The following KIF11 variants were observed in gnomAD, a reference collection of about 807,000 sequenced individuals.
The protein encoded by KIF11 is kinesin-like protein KIF11.
KIF11 carries 9 observed loss-of-function variants against 121.0 expected under a neutral mutation model. That is an observed-to-expected ratio of 0.07 (90% CI 0.04 to 0.13). KIF11 has a LOEUF of 0.13. KIF11 is among the 10% of genes least tolerant of loss of function. KIF11 has a pLI of 1.00. For synonymous variants in KIF11, 408 were observed against 421.0 expected, an observed-to-expected ratio of 0.97 and a Z score of 0.38; for missense variants, 846 against 1,217.5, an observed-to-expected ratio of 0.69 and a Z score of 4.54.
At chr10:92,644,572 G>C (rs1387425809) in intron 17 of KIF11, among the ~76,000 whole-genome samples, 6 of 151,966 alleles carry the variant, frequency 3.9e-5, no homozygotes, top group Admixed American at 3.3e-4. Context: ...ACCTGCCTCG[G>C]CCTCCCAAAG....
At chr10:92,627,099 C>A (rs7915915) in intron 10 of KIF11, among the ~76,000 whole-genome samples, 22,695 of 152,188 alleles carry the variant, frequency 0.15, 3,595 homozygotes, top group African/African-American at 0.4. Flanking sequence ...TAATATATTT[C>A]ATCAAAAGAC....
intron 1 of KIF11, among the ~76,000 whole-genome samples, chr10:92,598,413 G>A (rs912563739): frequency 1.3e-5 from 2 of 152,156 alleles, no homozygotes; most frequent in African/African-American, 4.8e-5. Context: ...ATATGTAAGA[G>A]GGCTTATTTC....
At chr10:92,612,520 T>C (rs1844508733) in intron 6 of KIF11, among the ~76,000 whole-genome samples, 1 of 152,230 alleles carries the variant, frequency 6.6e-6, no homozygotes, top group South Asian at 2.1e-4. Context: ...TTAGTAATCA[T>C]GCTGTTTACT....
Position 92,645,607 on chromosome 10 carries a change from A to C in KIF11, c.2512A>C (p.Asn838His), listed in dbSNP as rs34647366. 6.1e-4 allele frequency: 987 copies of C among 1,607,626 alleles called. 13 individuals carry two copies. Among genetic ancestry groups the C allele is most frequent in the Admixed American group, 2.0e-3 (117 of 58,936 alleles). ...YFSEQWVSSL[N>H]EREQELHNLL... ...TTCTGAACAGTGGGTATCTTCCTTAAATGAAAGGGAACAGGAACTTCACAA... is the reference window on the plus strand; with the variant it reads ...TTCTGAACAGTGGGTATCTTCCTTACATGAAAGGGAACAGGAACTTCACAA... Residue 838 changes from asparagine (N) to histidine (H), a missense_variant, in exon 18 of 22, where the codon AAT becomes CAT. By Grantham distance (68) the Asn-to-His change is moderately conservative (BLOSUM62 1). Transcript: ENST00000260731.
intron 19 of KIF11, among the ~76,000 whole-genome samples, chr10:92,648,899 C>T (rs1464829130): frequency 2.0e-5 from 3 of 152,082 alleles, no homozygotes; most frequent in African/African-American, 7.2e-5. Context: ...ATTTAGGAAT[C>T]AACATTTTGA....
chr10:92,612,891 A>G (rs938767415), intron 6 of KIF11, 149 bp from the exon 7 acceptor site: 6 of 549,440 alleles, frequency 1.1e-5, no homozygotes, highest in African/African-American at 3.8e-5. Context: ...TCTATCTCCT[A>G]TCTTCCAAAA....
At chr10:92,643,124 C>T (rs1206707671) in intron 17 of KIF11, among the ~76,000 whole-genome samples, 1 of 152,104 alleles carries the variant, frequency 6.6e-6, no homozygotes, top group East Asian at 1.9e-4. Flanking sequence ...GTTGGCCAGG[C>T]TGGTTTCGAA....
intron 1 of KIF11, among the ~76,000 whole-genome samples, chr10:92,605,482 A>ATTTTTTTTTTTTTTTTTTTTTTTTTTGT (rs58660991): frequency 1.0e-5 from 1 of 98,308 alleles, no homozygotes; most frequent in African/African-American, 4.1e-5. Context: ...ATTTGATCGG[A>ATTTTTTTTTTTTTTTTTTTTTTTTTTGT]TTTTTTTTTT....
chr10:92,635,586 A>G (rs1844786735), intron 14 of KIF11, among the ~76,000 whole-genome samples: 1 of 152,216 alleles, frequency 6.6e-6, no homozygotes, highest in African/African-American at 2.4e-5. Context: ...TACAATAGTA[A>G]CATCAAAGAT....
chr10:92,595,506 G>GTC (rs1246051176), intron 1 of KIF11, among the ~76,000 whole-genome samples: 2 of 151,930 alleles, frequency 1.3e-5, no homozygotes, highest in Non-Finnish European at 2.9e-5. Flanking sequence ...ATGCGCTACT[G>GTC]GTTCTCTTTC....
chr10:92,612,791 T>G (rs1252831945), intron 6 of KIF11, among the ~76,000 whole-genome samples: 1 of 152,226 alleles, frequency 6.6e-6, no homozygotes, highest in Non-Finnish European at 1.5e-5. Flanking sequence ...CAGAGGTGCC[T>G]CAGGATTCTA....
At chr10:92,594,981 G>C (rs1844277972) in intron 1 of KIF11, among the ~76,000 whole-genome samples, 1 of 151,974 alleles carries the variant, frequency 6.6e-6, no homozygotes, top group Non-Finnish European at 1.5e-5. Context: ...GGTCCTCAGG[G>C]GTTGGTAAGC....
At chr10:92,621,149 GTT>G (rs2135909682) in intron 9 of KIF11, among the ~76,000 whole-genome samples, 1 of 152,262 alleles carries the variant, frequency 6.6e-6, no homozygotes, top group Admixed American at 6.5e-5. Context: ...GGAGGTTGTG[GTT>G]TTTCTTGGGA....
At chr10:92,615,693 A>G (rs905974636) in intron 8 of KIF11, among the ~76,000 whole-genome samples, 1 of 152,142 alleles carries the variant, frequency 6.6e-6, no homozygotes, top group Non-Finnish European at 1.5e-5. Flanking sequence ...GGTATTTCAT[A>G]TAAATGGAAT....
Position 92,609,537 on chromosome 10 carries a change from C to T in KIF11, c.698+28C>T. Reference sequence around the variant, plus strand: ...AAGAAAGCCATAGTCTCTTCCCTAGCCCCATTTTCTTTTAAGAAGAATTAG... The same window carrying T: ...AAGAAAGCCATAGTCTCTTCCCTAGTCCCATTTTCTTTTAAGAAGAATTAG... On this transcript the variant is annotated intron_variant, in intron 6 of 21. Coordinates refer to ENST00000260731, the MANE Select transcript of KIF11 (RefSeq NM_004523.4). 3.2e-6 allele frequency: 5 copies of T among 1,572,054 alleles called. No homozygotes were observed. The Middle Eastern group carries it at 6.8e-4, about 215-fold the overall frequency.
intron 1 of KIF11, among the ~76,000 whole-genome samples, chr10:92,604,907 G>A (rs988486189): frequency 3.9e-5 from 6 of 152,094 alleles, no homozygotes; most frequent in Non-Finnish European, 7.4e-5. Flanking sequence ...TAGTTTAACA[G>A]ATATTTAAGA....
chr10:92,613,166 A>AAGGTGTTTAAGAGTG lies in KIF11; in HGVS notation c.789+37_789+38insGGTGTTTAAGAGTGA. ...ACCTTAATACTACTGTTTCACTCTT[A>AAGGTGTTTAAGAGTG]AACACCTTATAGAGCAGCTTGAAAT... On this transcript the variant is annotated intron_variant, in intron 7 of 21. Coordinates refer to ENST00000260731, the MANE Select transcript of KIF11 (RefSeq NM_004523.4). The surrounding 1 kb of genome is among the most constrained non-coding windows in gnomAD (Gnocchi z 4.2). The AAGGTGTTTAAGAGTG allele has an allele frequency of 6.7e-7, 1 of 1,489,194 alleles. No homozygotes were observed. Among genetic ancestry groups the AAGGTGTTTAAGAGTG allele is most frequent in the Non-Finnish European group, 9.3e-7 (1 of 1,073,004 alleles). The allele number at this position is 1,489,194 out of a possible 1,614,324, so 92.2% of individuals were successfully genotyped here.
chr10:92,626,755 ATTTTAT>A (rs1335231724), intron 10 of KIF11, among the ~76,000 whole-genome samples: 1 of 151,912 alleles, frequency 6.6e-6, no homozygotes, highest in African/African-American at 2.4e-5. Flanking sequence ...TATTTATTTT[ATTTTAT>A]TTTTATTTTT....
At chr10:92,640,793 C>T (rs539434700) in intron 17 of KIF11, among the ~76,000 whole-genome samples, 2 of 151,754 alleles carry the variant, frequency 1.3e-5, no homozygotes, top group East Asian at 1.9e-4. Flanking sequence ...AGTACAGTGG[C>T]GCGAGTGCAG....
Sources: allele counts gnomAD v4.1 joint callset (sites outside exome capture counted in the v4.1 genomes callset), GRCh38; gene constraint gnomAD v4.1.1; non-coding constraint Gnocchi (gnomAD v3.1); transcripts MANE v1.5; gene names NCBI Gene and HGNC (gene_info 2026-07-23, HGNC 2026-07-21).